ATP2B1: variants seen among roughly 807,000 people sequenced by gnomAD.
ATP2B1 encodes plasma membrane calcium-transporting ATPase 1.
A neutral mutation model predicts 124.2 loss-of-function variants in ATP2B1; 14 were observed. The observed-to-expected ratio is 0.11, with a 90% CI of 0.07 to 0.18. The LOEUF is 0.18. Among genes scored for constraint, ATP2B1 ranks in the 10% least tolerant of loss-of-function variants. The pLI is 1.00. For synonymous variants in ATP2B1, 449 were observed against 492.4 expected (o/e 0.91, Z 1.17); for missense variants, 763 against 1,466.1 (o/e 0.52, Z 7.83).
At chr12:89,636,696 G>A (rs957455293) in intron 3 of ATP2B1, among the ~76,000 whole-genome samples, 3 of 152,148 alleles carry the variant, frequency 2.0e-5, no homozygotes, top group African/African-American at 7.2e-5. Flanking sequence ...GACAGGGAAT[G>A]AAGTAAAATC....
chr12:89,599,705 A>G (rs1443547291), intron 19 of ATP2B1, among the ~76,000 whole-genome samples: 1 of 152,084 alleles, frequency 6.6e-6, no homozygotes, highest in Non-Finnish European at 1.5e-5. Context: ...TCAGAGTTCA[A>G]TGAGAAAAAA....
chr12:89,621,483 C>T (rs1236454798), intron 10 of ATP2B1, 66 bp downstream of exon 10: 4 of 1,272,592 alleles, frequency 3.1e-6, no homozygotes, highest in Non-Finnish European at 4.2e-6. Context: ...GGTCTGAAGA[C>T]TTACATATAG....
chr12:89,606,572 C>CCTT (rs11424957), intron 15 of ATP2B1, among the ~76,000 whole-genome samples: 1 of 129,102 alleles, frequency 7.7e-6, no homozygotes, highest in African/African-American at 2.9e-5. Context: ...TAATGTCCCA[C>CCTT]TTTTTTTTTT....
chr12:89,656,426 CACTT>C (rs938377473), intron 1 of ATP2B1, among the ~76,000 whole-genome samples: 5 of 152,312 alleles, frequency 3.3e-5, no homozygotes, highest in Admixed American at 2.6e-4. Context: ...TTCATTCTCT[CACTT>C]AATCATTACA....
At chr12:89,685,652 T>C (rs981658664) in intron 1 of ATP2B1, among the ~76,000 whole-genome samples, 1 of 152,062 alleles carries the variant, frequency 6.6e-6, no homozygotes, top group Non-Finnish European at 1.5e-5. Context: ...TTGAGAACCA[T>C]GTTTTAGTTG....
intron 7 of ATP2B1, among the ~76,000 whole-genome samples, chr12:89,626,872 A>G (rs563781509): frequency 5.3e-5 from 8 of 152,300 alleles, no homozygotes; most frequent in South Asian, 4.1e-4. Context: ...ACTGAGAACT[A>G]AAGAATACTA....
chr12:89,628,072 G>A (rs1881185190), intron 6 of ATP2B1, among the ~76,000 whole-genome samples: 1 of 152,044 alleles, frequency 6.6e-6, no homozygotes. Flanking sequence ...AGGAGGAAGA[G>A]CAGGGGTAGA....
Position 89,591,091 on chromosome 12 carries a change from T to G in ATP2B1, c.3556A>C (p.Asn1186His). The change falls in exon 21 of 21, where the codon AAT (asparagine) becomes CAT (histidine). Residue 1186 changes from asparagine to histidine, a missense_variant. By Grantham distance (68) the Asn-to-His change is moderately conservative. This residue lies in a region of ATP2B1 where 97 missense variants were observed against 94.7 expected (regional missense o/e 1.02). Coordinates refer to ENST00000428670, the MANE Select transcript of ATP2B1 (RefSeq NM_001366521.1). ...NSSPPPSPNK[N>H]NNAVDSGIHL... ...ATTCCACTGTCAACAGCATTGTTAT[T>G]TTTGTTGGGAGAGGGTGGAGGACTG... 1 of 1,613,088 alleles carries G rather than the reference T, an allele frequency of 6.2e-7. No homozygotes were observed. The highest frequency in any genetic ancestry group is 8.5e-7 in the Non-Finnish European group (1 of 1,179,302).
intron 2 of ATP2B1, among the ~76,000 whole-genome samples, chr12:89,651,769 TG>T (rs1341168394): frequency 9.8e-5 from 15 of 152,304 alleles, no homozygotes; most frequent in African/African-American, 3.6e-4. Context: ...TACAATGCAG[TG>T]GTTAAAGCAT....
intron 20 of ATP2B1, among the ~76,000 whole-genome samples, chr12:89,598,113 T>TA (rs889707785): frequency 7.1e-6 from 1 of 140,032 alleles, no homozygotes; most frequent in Non-Finnish European, 1.5e-5. Flanking sequence ...TGGCTATACA[T>TA]ACTGAAAACT....
chr12:89,592,227 A>G (rs1011599267), intron 20 of ATP2B1, among the ~76,000 whole-genome samples: 2 of 152,060 alleles, frequency 1.3e-5, no homozygotes, highest in African/African-American at 4.8e-5. Flanking sequence ...ATTTAGAAAA[A>G]AAAGGACAAA....
chr12:89,686,034 T>C (rs1889930030), intron 1 of ATP2B1, among the ~76,000 whole-genome samples: 1 of 152,162 alleles, frequency 6.6e-6, no homozygotes, highest in Non-Finnish European at 1.5e-5. Context: ...TGTAGCATTC[T>C]GTTATGGAGC....
chr12:89,617,101 A>C, intron 11 of ATP2B1, 62 bp from the exon 12 acceptor site: 3 of 1,272,154 alleles, frequency 2.4e-6, no homozygotes, highest in Non-Finnish European at 2.3e-6. Flanking sequence ...AATGCCATTT[A>C]AGTGAACTGG....
intron 2 of ATP2B1, among the ~76,000 whole-genome samples, chr12:89,643,115 CGTATATACACGTATATAT>C (rs1474726721): frequency 2.8e-5 from 4 of 143,768 alleles, no homozygotes; most frequent in Admixed American, 6.9e-5. Context: ...TATATATATA[CGTATATACACGTATATAT>C]GTATATACAC....
intron 1 of ATP2B1, among the ~76,000 whole-genome samples, chr12:89,667,835 G>T (rs1393823037): frequency 6.6e-6 from 1 of 152,192 alleles, no homozygotes; most frequent in Non-Finnish European, 1.5e-5. Context: ...CAGATTCGGT[G>T]CTATTCCTAT....
intron 1 of ATP2B1, among the ~76,000 whole-genome samples, chr12:89,684,118 TAAG>T (rs1215298451): frequency 2.6e-5 from 4 of 151,790 alleles, no homozygotes; most frequent in African/African-American, 9.7e-5. Context: ...AAAGAAGAAA[TAAG>T]AAAACATACA....
chr12:89,608,420 C>T (rs1207642131), intron 15 of ATP2B1, among the ~76,000 whole-genome samples: 1 of 151,950 alleles, frequency 6.6e-6, no homozygotes, highest in Non-Finnish European at 1.5e-5. Context: ...ATGTGATCCG[C>T]CCGCCTCAGC....
Position 89,601,424 on chromosome 12 carries a change from CAATT to C in ATP2B1, c.3066_3069del (p.Ile1022MetfsTer16). On this transcript the variant is annotated frameshift_variant, in exon 19 of 21. Transcript: ENST00000428670. LOFTEE classifies it high-confidence loss of function. ...CTGAAAGGTTTTCCACCAAACTGCA[CAATT>C]ATTATCTGGAGGAATAATCAAGAGT... The C allele has an allele frequency of 6.5e-7, 1 of 1,545,774 alleles. No homozygotes were observed. Among genetic ancestry groups the C allele is most frequent in the Non-Finnish European group, 8.7e-7 (1 of 1,152,406 alleles).
At chr12:89,595,089 T>C (rs1305170090) in intron 20 of ATP2B1, among the ~76,000 whole-genome samples, 1 of 152,112 alleles carries the variant, frequency 6.6e-6, no homozygotes, top group Non-Finnish European at 1.5e-5. Context: ...TGGTAAACTT[T>C]TTCTGTGAAG....
Sources: gnomAD v4.1 joint callset for allele counts (sites outside exome capture counted in the v4.1 genomes callset) on GRCh38, gnomAD v4.1.1 for gene constraint, gnomAD v4.1.1 regional missense constraint, MANE v1.5 for transcripts, NCBI Gene and HGNC (gene_info 2026-07-23, HGNC 2026-07-21) for gene names.